The following KAZN variants were observed in gnomAD, a reference collection of about 807,000 sequenced individuals.
KAZN encodes kazrin, periplakin interacting protein.
Under a neutral mutation model 87.4 loss-of-function variants are expected in KAZN, and 40 were observed. The ratio of observed to expected loss-of-function variants is 0.46; its 90% CI spans 0.36 to 0.60. KAZN has a LOEUF of 0.60. Ranked by LOEUF, KAZN falls within the 20% of genes least tolerant of loss-of-function variation. KAZN has a pLI of 0.00. For missense variants in KAZN, 898 were observed against 1,073.9 expected (o/e 0.84, Z 2.29); for synonymous variants, 466 against 458.3 (o/e 1.02, Z -0.22).
chr1:14,484,501 A>G (rs887962393), intron 2 of KAZN, among the ~76,000 whole-genome samples: 1 of 152,250 alleles, frequency 6.6e-6, no homozygotes, highest in East Asian at 1.9e-4. Flanking sequence ...TTCTGTGCTC[A>G]TACTTCTTCC....
chr1:14,542,403 CCTG>C (rs1372493212), intron 2 of KAZN, among the ~76,000 whole-genome samples: 1 of 151,542 alleles, frequency 6.6e-6, no homozygotes, highest in Non-Finnish European at 1.5e-5. Context: ...ATGTAACAAA[CCTG>C]CACGTTGAGC....
chr1:14,725,449 G>A (rs1018415685), intron 1 of KAZN, among the ~76,000 whole-genome samples: 3 of 140,640 alleles, frequency 2.1e-5, no homozygotes, highest in East Asian at 2.2e-4. Flanking sequence ...GTTTCATGAG[G>A]GTGGAGCTGT....
At chr1:14,476,860 G>A (rs1668754235) in intron 2 of KAZN, among the ~76,000 whole-genome samples, 1 of 152,194 alleles carries the variant, frequency 6.6e-6, no homozygotes, top group Admixed American at 6.5e-5. Context: ...CTCTAGCCGT[G>A]GCGATACCTT....
chr1:14,247,867 C>A (rs1023888413), intron 2 of KAZN, among the ~76,000 whole-genome samples: 3 of 152,012 alleles, frequency 2.0e-5, no homozygotes, highest in South Asian at 2.1e-4. Context: ...TGTACGCTGG[C>A]AGGCCAAACA....
At chr1:14,412,142 G>A (rs1340948435) in intron 2 of KAZN, among the ~76,000 whole-genome samples, 1 of 152,164 alleles carries the variant, frequency 6.6e-6, no homozygotes. Context: ...GAAAAGACGT[G>A]ACAAACAGCA....
chr1:14,401,944 G>A (rs888293501), intron 2 of KAZN, among the ~76,000 whole-genome samples: 4 of 151,918 alleles, frequency 2.6e-5, no homozygotes, highest in African/African-American at 9.7e-5. Context: ...TTCAAAAGAG[G>A]TAAGAATGCC....
At chr1:14,431,811 A>C (rs146679740) in intron 2 of KAZN, among the ~76,000 whole-genome samples, 260 of 152,256 alleles carry the variant, frequency 1.7e-3, no homozygotes, top group African/African-American at 4.9e-3. Flanking sequence ...TTTGCAACAG[A>C]CTGAAGGCTG....
At chr1:14,101,439 T>C (rs1335984022) in intron 1 of KAZN, among the ~76,000 whole-genome samples, 1 of 152,164 alleles carries the variant, frequency 6.6e-6, no homozygotes, top group East Asian at 1.9e-4. Context: ...AAAACAGCAA[T>C]AAAGTAGTGA....
rs143980706 is a variant in KAZN, at chr1:15,049,303, T to C, written c.726+5144T>C. Among the ~76,000 whole-genome samples, 401 of 152,366 alleles carry C rather than the reference T, an allele frequency of 2.6e-3. 1 individual carries two copies. The highest frequency in any genetic ancestry group is 8.7e-3 in the African/African-American group (360 of 41,598). ...GCCCGGCTCACACGGACCTCGCTGC[T>C]GACGAGCGCGGCTTCTCCAGCACGG... is the stretch of plus-strand genomic sequence containing the variant. On this transcript the variant is annotated intron_variant, in intron 4 of 14. Transcript: ENST00000376030.
intron 1 of KAZN, among the ~76,000 whole-genome samples, chr1:14,857,269 A>G (rs1258121272): frequency 2.0e-5 from 3 of 152,230 alleles, no homozygotes; most frequent in Non-Finnish European, 4.4e-5. Flanking sequence ...TCCCACCTGT[A>G]ATCCCAGCAC....
intron 2 of KAZN, among the ~76,000 whole-genome samples, chr1:15,020,727 G>A (rs1411826119): frequency 6.6e-6 from 1 of 152,220 alleles, no homozygotes. Flanking sequence ...TAGGGCCGCT[G>A]TGAACTTTTT....
intron 8 of KAZN, among the ~76,000 whole-genome samples, chr1:15,093,504 G>A (rs796905740): frequency 6.6e-6 from 1 of 152,094 alleles, no homozygotes; most frequent in Non-Finnish European, 1.5e-5. Context: ...ATGTAAGAGG[G>A]GGGCGGGGGA....
intron 1 of KAZN, among the ~76,000 whole-genome samples, chr1:14,148,195 T>C (rs1645394754): frequency 1.0e-5 from 1 of 99,796 alleles, no homozygotes; most frequent in Non-Finnish European, 2.1e-5. Flanking sequence ...CAAGACCCTG[T>C]CTCAAAACAA....
At chr1:14,832,548 GGAA>G (rs1397627510) in intron 1 of KAZN, among the ~76,000 whole-genome samples, 1 of 152,160 alleles carries the variant, frequency 6.6e-6, no homozygotes, top group Non-Finnish European at 1.5e-5. Flanking sequence ...GGGCCACACT[GGAA>G]GAAGAATTGT....
chr1:14,516,538 G>A (rs1671308160), intron 2 of KAZN, among the ~76,000 whole-genome samples: 1 of 152,176 alleles, frequency 6.6e-6, no homozygotes, highest in Non-Finnish European at 1.5e-5. Context: ...GTGTTAGGAA[G>A]CAGAGTTCTC....
chr1:13,932,150 G>A (rs1267392381), intron 1 of KAZN, among the ~76,000 whole-genome samples: 1 of 151,478 alleles, frequency 6.6e-6, no homozygotes, highest in East Asian at 1.9e-4. Context: ...GAGCCACCAT[G>A]CCCAGTCAAG....
At chr1:14,044,738 A>T (rs1037635024) in intron 1 of KAZN, among the ~76,000 whole-genome samples, 1 of 152,210 alleles carries the variant, frequency 6.6e-6, no homozygotes, top group Non-Finnish European at 1.5e-5. Context: ...CAGCTAAGGC[A>T]ATGTCATGGA....
chr1:14,681,645 A>T (rs1393732374), intron 1 of KAZN, among the ~76,000 whole-genome samples: 3 of 10,290 alleles, frequency 2.9e-4, no homozygotes, highest in African/African-American at 5.8e-4. Flanking sequence ...ATATATATAT[A>T]TATATATATA....
intron 1 of KAZN, among the ~76,000 whole-genome samples, chr1:14,030,059 C>T (rs1641251226): frequency 6.6e-6 from 1 of 151,836 alleles, no homozygotes; most frequent in Admixed American, 6.6e-5. Context: ...TGTAAATTAC[C>T]TTGGGCAGTA....
Sources: allele counts gnomAD v4.1 joint callset (sites outside exome capture counted in the v4.1 genomes callset), GRCh38; gene constraint gnomAD v4.1.1; transcripts MANE v1.5; gene names NCBI Gene and HGNC (gene_info 2026-07-23, HGNC 2026-07-21).